The following MAMLD1 variants were observed in gnomAD, a reference collection of about 807,000 sequenced individuals.
The protein encoded by MAMLD1 is mastermind like domain containing 1.
In MAMLD1, 14 loss-of-function variants were observed where a neutral mutation model predicts 45.0. The ratio of observed to expected loss-of-function variants is 0.31; its 90% confidence interval spans 0.21 to 0.49. The LOEUF is 0.49. Among genes scored for constraint, MAMLD1 ranks in the 20% least tolerant of loss-of-function variants. The pLI, the probability that MAMLD1 is intolerant of heterozygous loss-of-function variation, is 0.99. For missense variants in MAMLD1, 543 were observed against 603.6 expected, an observed-to-expected ratio of 0.90 and a Z score of 1.05; for synonymous variants, 254 against 247.8, an observed-to-expected ratio of 1.02 and a Z score of -0.24.
At chrX:150,372,688 C>T (rs1010129920) in intron 1 of MAMLD1, among the ~76,000 whole-genome samples, 1 of 112,555 alleles carries the variant, frequency 8.9e-6, no homozygotes, top group African/African-American at 3.2e-5. Context: ...TTCCGGAATA[C>T]GGAGTCAAAC....
chrX:150,501,161 C>T (rs2266838), intron 5 of MAMLD1, among the ~76,000 whole-genome samples: 12,585 of 111,696 alleles, frequency 0.11, 503 homozygotes, highest in Middle Eastern at 0.17. Context: ...TTGCAAGTCA[C>T]AGGAAGCTAC....
At chrX:150,367,289 C>T (rs1229485118) in intron 1 of MAMLD1, among the ~76,000 whole-genome samples, 2 of 111,455 alleles carry the variant, frequency 1.8e-5, no homozygotes, top group Admixed American at 9.4e-5. Context: ...TCTACAGATT[C>T]ACTGCAACTT....
chrX:150,407,674 G>T lies in MAMLD1; in HGVS notation c.-63-37780G>T, dbSNP rs2034029994. Among the ~76,000 whole-genome samples the T allele has an allele frequency of 2.7e-5, 3 of 111,857 alleles. No individual in the cohort carries two copies. In the East Asian group the frequency reaches 8.4e-4, roughly 31 times the overall value. On this transcript the variant is annotated intron_variant, in intron 1 of 7. Coordinates refer to ENST00000370401, the MANE Select transcript of MAMLD1 (RefSeq NM_005491.5). The stretch of plus-strand genomic sequence containing the variant: ...GCACAACCAAGGAGCTTAGGTTCTA[G>T]TCCTAGCTCACCCACTTACAAGCTG...
In MAMLD1 at chrX:150,453,462, C is replaced by T. The variant is rs147197577; in HGVS notation, c.96+7850C>T. Among the ~76,000 whole-genome samples, 250 of 111,497 alleles carry T rather than the reference C, an allele frequency of 2.2e-3. 1 individual carries two copies. Among genetic ancestry groups the T allele is most frequent in the African/African-American group, 7.6e-3 (232 of 30,669 alleles). On this transcript the variant is annotated intron_variant, in intron 2 of 7. Transcript: ENST00000370401. ...TCAGGTAGAATTACAGGCCCTCATGCGGCCACGTGTTTAGCTTCCCCTCCT... is the reference window on the plus strand; with the variant it reads ...TCAGGTAGAATTACAGGCCCTCATGTGGCCACGTGTTTAGCTTCCCCTCCT...
chrX:150,371,623 C>T (rs921212140), intron 1 of MAMLD1, among the ~76,000 whole-genome samples: 2 of 112,014 alleles, frequency 1.8e-5, no homozygotes, highest in African/African-American at 6.5e-5. Context: ...TTGAGGAATT[C>T]CAAGTTCTTG....
At chrX:150,388,309 T>A (rs1196280075) in intron 1 of MAMLD1, among the ~76,000 whole-genome samples, 1 of 112,004 alleles carries the variant, frequency 8.9e-6, no homozygotes, top group African/African-American at 3.2e-5. Context: ...TGGTCTGTAG[T>A]TTTCTTTTTT....
At chrX:150,494,886 A>G (rs782492314) in intron 5 of MAMLD1, among the ~76,000 whole-genome samples, 2 of 90,058 alleles carry the variant, frequency 2.2e-5, no homozygotes, top group Non-Finnish European at 4.7e-5. Context: ...CCCTGCCTCA[A>G]TACAAAACAA....
intron 6 of MAMLD1, among the ~76,000 whole-genome samples, chrX:150,506,943 C>A (rs1187827351): frequency 8.9e-6 from 1 of 112,560 alleles, no homozygotes; most frequent in South Asian, 3.7e-4. Flanking sequence ...AGGTTGCCAT[C>A]TTGGCTGAGA....
At chrX:150,445,816 T>C (rs1386731935) in intron 2 of MAMLD1, among the ~76,000 whole-genome samples, 2 of 111,515 alleles carry the variant, frequency 1.8e-5, no homozygotes, top group Non-Finnish European at 3.8e-5. Context: ...GCTGGAAATA[T>C]AGTCTAAGGT....
chrX:150,420,807 A>G (rs1557403467), intron 1 of MAMLD1, among the ~76,000 whole-genome samples: 2 of 112,229 alleles, frequency 1.8e-5, no homozygotes, highest in African/African-American at 6.5e-5. Context: ...TCAGATCTCC[A>G]GCTGTGTGCT....
intron 5 of MAMLD1, among the ~76,000 whole-genome samples, chrX:150,493,534 C>T (rs1395706589): frequency 9.0e-6 from 1 of 111,476 alleles, no homozygotes; most frequent in African/African-American, 3.3e-5. Flanking sequence ...TACCCACCAA[C>T]CAGGTTCAGA....
chrX:150,473,547 G>A, intron 4 of MAMLD1, 133 bp from the exon 5 acceptor site: 1 of 595,047 alleles, frequency 1.7e-6, no homozygotes, highest in Non-Finnish European at 2.9e-6. Context: ...AGACCATGCG[G>A]CAAGCAGAGC....
At position 150,400,854 on chromosome X, in the gene MAMLD1, G is replaced by T. The variant is rs1356818056; in HGVS notation, c.-64+37324G>T. ...GCTTTTTGATGTGCTGCTGGATTCG[G>T]TTTGCCAGTATTTTATTGAGGATTT... On this transcript the variant is annotated intron_variant, in intron 1 of 7. Transcript: ENST00000370401. Among the ~76,000 whole-genome samples, 4 of 108,566 alleles carry T rather than the reference G, an allele frequency of 3.7e-5. No homozygotes were observed. The East Asian group carries it at 8.6e-4, about 23-fold the overall frequency. The allele number at this position is 108,566 out of a possible 115,157, so 94.3% of individuals were successfully genotyped here. A position where few individuals can be genotyped will look rare whatever the true frequency, so the allele number is the denominator to read the frequency against.
At chrX:150,473,485 C>T (rs1385592793) in intron 4 of MAMLD1, among the ~76,000 whole-genome samples, 195 bp from the exon 5 acceptor site, 2 of 112,228 alleles carry the variant, frequency 1.8e-5, no homozygotes, top group African/African-American at 3.2e-5. Context: ...ATCCAGGTTT[C>T]CTGGAGCATA....
At chrX:150,510,349 T>C in intron 7 of MAMLD1, among the ~76,000 whole-genome samples, 1 of 111,764 alleles carries the variant, frequency 8.9e-6, no homozygotes, top group Non-Finnish European at 1.9e-5. Flanking sequence ...TAGAATCACT[T>C]GGGGGCTGCC....
At chrX:150,457,467 C>G (rs2035904048) in intron 2 of MAMLD1, among the ~76,000 whole-genome samples, 2 of 112,333 alleles carry the variant, frequency 1.8e-5, no homozygotes, top group African/African-American at 3.2e-5. Context: ...AGCAATTCCA[C>G]TCCTTGGTAT....
At chrX:150,482,304 A>G (rs1464672801) in intron 5 of MAMLD1, among the ~76,000 whole-genome samples, 2 of 112,452 alleles carry the variant, frequency 1.8e-5, no homozygotes, top group Non-Finnish European at 3.8e-5. Flanking sequence ...AGGTCCCTAG[A>G]GTAGTCCAAT....
rs782597649 is a variant in MAMLD1 at position 150,471,261 on chromosome X, C to T, written c.1688C>T (p.Thr563Ile). ...GPQKMPSMPT[T>I]SRQPSLLHYL... is the part of the protein sequence containing the mutation. ...CAGAAGATGCCCTCCATGCCTACCA[C>T]CTCTAGGCAGCCTTCCCTGCTCCAC... Residue 563 changes from threonine to isoleucine, a missense_variant, in exon 4 of 8, where the codon ACC (threonine) becomes ATC (isoleucine). Physicochemically the swap from Thr to Ile is moderately conservative, Grantham distance 89 (BLOSUM62 -1). Coordinates refer to ENST00000370401, the MANE Select transcript of MAMLD1 (RefSeq NM_005491.5). The T allele has an allele frequency of 7.4e-6, 9 of 1,211,677 alleles. No homozygotes were observed. The South Asian group carries it at 1.2e-4, about 17-fold the overall frequency.
chrX:150,371,508 C>G (rs1292507088), intron 1 of MAMLD1, among the ~76,000 whole-genome samples: 1 of 110,930 alleles, frequency 9.0e-6, no homozygotes, highest in African/African-American at 3.3e-5. Context: ...GCATCCAGGT[C>G]AAAAAGGCCT....
Sources: gnomAD v4.1 joint callset for allele counts (sites outside exome capture counted in the v4.1 genomes callset) on GRCh38, gnomAD v4.1.1 for gene constraint, MANE v1.5 for transcripts, NCBI Gene and HGNC (gene_info 2026-07-23, HGNC 2026-07-21) for gene names.